JAKMIP2: variants seen among roughly 807,000 people sequenced by gnomAD.
JAKMIP2 encodes janus kinase and microtubule-interacting protein 2.
In JAKMIP2, 25 loss-of-function variants were observed where a neutral mutation model predicts 115.0. The observed-to-expected ratio is 0.22, with a 90% CI of 0.16 to 0.30. JAKMIP2 has a LOEUF of 0.30. Among genes scored for constraint, JAKMIP2 ranks in the 10% least tolerant of loss-of-function variants. The pLI is 1.00. For missense variants in JAKMIP2, 642 were observed against 957.6 expected (o/e 0.67, Z 4.35); for synonymous variants, 334 against 343.6 (o/e 0.97, Z 0.31).
intron 5 of JAKMIP2, among the ~76,000 whole-genome samples, chr5:147,645,688 C>T (rs180820767): frequency 2.6e-5 from 4 of 152,224 alleles, no homozygotes; most frequent in African/African-American, 9.6e-5. Flanking sequence ...TTCTCAGTCT[C>T]GGCGTCTGTG....
chr5:147,720,269 G>A (rs1580831205), intron 1 of JAKMIP2, among the ~76,000 whole-genome samples: 1 of 151,796 alleles, frequency 6.6e-6, no homozygotes, highest in East Asian at 1.9e-4. Flanking sequence ...TTTCTCTCTG[G>A]CTGCCCTTAA....
At chr5:147,636,821 G>C (rs1757636044) in intron 11 of JAKMIP2, 144 bp downstream of exon 11, 3 of 758,766 alleles carry the variant, frequency 4.0e-6, no homozygotes, top group Non-Finnish European at 7.1e-6. Context: ...CAGAAGTACA[G>C]AGTTGAACAT....
chr5:147,680,290 T>C (rs1423859920), intron 1 of JAKMIP2, among the ~76,000 whole-genome samples: 1 of 152,178 alleles, frequency 6.6e-6, no homozygotes, highest in Non-Finnish European at 1.5e-5. Flanking sequence ...AGCACAGAGA[T>C]CCCTGAAGAG....
intron 10 of JAKMIP2, among the ~76,000 whole-genome samples, chr5:147,637,710 C>T (rs1581333404): frequency 1.3e-5 from 2 of 151,876 alleles, no homozygotes; most frequent in African/African-American, 2.4e-5. Context: ...AAAGTGCACC[C>T]GGCCTTTCCA....
chr5:147,742,712 A>G (rs1206716116), intron 1 of JAKMIP2, among the ~76,000 whole-genome samples: 2 of 152,210 alleles, frequency 1.3e-5, no homozygotes, highest in Non-Finnish European at 2.9e-5. Flanking sequence ...ACAGCTGTTC[A>G]TAATCCTACG....
At chr5:147,633,498 T>C (rs780659991) in intron 12 of JAKMIP2, among the ~76,000 whole-genome samples, 61 of 152,156 alleles carry the variant, frequency 4.0e-4, no homozygotes, top group Non-Finnish European at 5.1e-4. Context: ...CTCTTAAGCA[T>C]TAGCACTTAA....
chr5:147,624,638 C>G (rs1375236930), intron 16 of JAKMIP2, among the ~76,000 whole-genome samples: 1 of 152,154 alleles, frequency 6.6e-6, no homozygotes, highest in Non-Finnish European at 1.5e-5. Flanking sequence ...TGAATGCAGA[C>G]TTTGAATAAT....
chr5:147,612,321 T>G lies in JAKMIP2; in HGVS notation c.2397A>C (p.Lys799Asn). The change falls in exon 20 of 22, where the codon AAA becomes AAC. Residue 799 changes from lysine to asparagine, a missense_variant. Lys to Asn is a moderately conservative substitution (Grantham distance 94). Transcript: ENST00000616793. ...TGACACCTACCTTTTCTTCTAAGTC[T>G]TTTATTTGTCTTTTCTGGATGTCTG... ...DKTDIQKRQI[K>N]DLEEKFLFLF... 6.5e-7 allele frequency: 1 copy of G among 1,548,988 alleles called. No individual in the cohort carries two copies. Among genetic ancestry groups the G allele is most frequent in the Non-Finnish European group, 8.9e-7 (1 of 1,125,576 alleles).
rs143627895 is a variant in JAKMIP2 at position 147,693,753 on chromosome 5, G to T, written c.-148-21799C>A. Among the ~76,000 whole-genome samples the T allele has an allele frequency of 1.1e-4, 16 of 151,924 alleles. 1 individual carries two copies. The South Asian group carries it at 1.5e-3, about 14-fold the overall frequency. ...TTTAAGTTCAAGTTTTTGCACTTTCGTTTCAGTCCTGTCAAGTCAAAATTT... is the reference window on the plus strand; with the variant it reads ...TTTAAGTTCAAGTTTTTGCACTTTCTTTTCAGTCCTGTCAAGTCAAAATTT... On this transcript the variant is annotated intron_variant, in intron 1 of 21. Coordinates refer to ENST00000616793, the MANE Select transcript of JAKMIP2 (RefSeq NM_001270941.2).
At chr5:147,644,798 T>C (rs545600637) in intron 6 of JAKMIP2, 52 bp downstream of exon 6, 3 of 1,483,026 alleles carry the variant, frequency 2.0e-6, no homozygotes, top group East Asian at 2.3e-5. Flanking sequence ...GTCAGGTTAT[T>C]AAGGTAATAT....
At chr5:147,611,181 A>T (rs1756297958) in intron 20 of JAKMIP2, among the ~76,000 whole-genome samples, 1 of 152,078 alleles carries the variant, frequency 6.6e-6, no homozygotes, top group Non-Finnish European at 1.5e-5. Context: ...GCCCCTTTCC[A>T]GGGGAGTGAA....
At chr5:147,658,185 A>G (rs1170961853) in intron 3 of JAKMIP2, among the ~76,000 whole-genome samples, 1 of 151,564 alleles carries the variant, frequency 6.6e-6, no homozygotes, top group East Asian at 1.9e-4. Context: ...TTTTTGTGGG[A>G]GGGTCTTTTG....
At chr5:147,745,184 A>AT (rs1038710114) in intron 1 of JAKMIP2, among the ~76,000 whole-genome samples, 1 of 115,214 alleles carries the variant, frequency 8.7e-6, no homozygotes, top group Admixed American at 8.9e-5. Context: ...ACCTTGGCGG[A>AT]TGCAACTTAG....
chr5:147,717,462 T>C (rs1753053871), intron 1 of JAKMIP2, among the ~76,000 whole-genome samples: 1 of 132,730 alleles, frequency 7.5e-6, no homozygotes, highest in African/African-American at 2.9e-5. Context: ...ACGATATTGA[T>C]TCTTCCTACC....
At chr5:147,631,196 C>T (rs1171841621) in intron 14 of JAKMIP2, among the ~76,000 whole-genome samples, 1 of 152,110 alleles carries the variant, frequency 6.6e-6, no homozygotes, top group African/African-American at 2.4e-5. Context: ...ATCATGGATG[C>T]CTCTGTTTCT....
intron 1 of JAKMIP2, among the ~76,000 whole-genome samples, chr5:147,777,298 C>G (rs11948325): frequency 0.32 from 49,304 of 151,994 alleles, 9,440 homozygotes; most frequent in African/African-American, 0.54. Context: ...AAAGTGTGAA[C>G]ACTCTCAAGT....
rs1417589169 is a variant in JAKMIP2, at chr5:147,690,576, T to C, written c.-148-18622A>G. Among the ~76,000 whole-genome samples the C allele has an allele frequency of 2.3e-4, 23 of 99,580 alleles. 1 individual carries two copies. Among genetic ancestry groups the C allele is most frequent in the African/African-American group, 1.0e-3 (23 of 22,962 alleles). The allele number at this position is 99,580 out of a possible 152,430, so 65.3% of individuals were successfully genotyped here. A position where few individuals can be genotyped will look rare whatever the true frequency, so the allele number is the denominator to read the frequency against. On this transcript the variant is annotated intron_variant, in intron 1 of 21. Coordinates refer to ENST00000616793, the MANE Select transcript of JAKMIP2 (RefSeq NM_001270941.2). Reference sequence around the variant, plus strand: ...ATATATATATATATATATATATATATATATATATGCACATATGCACACACA... The same window carrying C: ...ATATATATATATATATATATATATACATATATATGCACATATGCACACACA...
chr5:147,596,887 G>T (rs969382777), intron 21 of JAKMIP2, among the ~76,000 whole-genome samples: 12 of 151,792 alleles, frequency 7.9e-5, no homozygotes, highest in African/African-American at 2.2e-4. Context: ...TTTTTTTGGT[G>T]GGGGGATGGA....
At chr5:147,728,433 G>A (rs1378618945) in intron 1 of JAKMIP2, among the ~76,000 whole-genome samples, 1 of 152,128 alleles carries the variant, frequency 6.6e-6, no homozygotes, top group East Asian at 1.9e-4. Flanking sequence ...CCTTAATTTT[G>A]GGAGATCTGT....
Sources: gnomAD v4.1 joint callset for allele counts (sites outside exome capture counted in the v4.1 genomes callset) on GRCh38, gnomAD v4.1.1 for gene constraint, MANE v1.5 for transcripts, NCBI Gene and HGNC (gene_info 2026-07-23, HGNC 2026-07-21) for gene names.